Variants in ITGA2 observed in about 807,000 individuals in gnomAD.
The protein encoded by ITGA2 is integrin alpha-2.
A neutral mutation model predicts 146.3 loss-of-function variants in ITGA2; 101 were observed. The ratio of observed to expected loss-of-function variants is 0.69; its 90% CI spans 0.59 to 0.81. The LOEUF is 0.81. Ranked by LOEUF, ITGA2 falls within the 40% of genes least tolerant of loss-of-function variation. The probability of loss-of-function intolerance (pLI) is 0.00; values close to 1 mark genes in which losing one functional copy is unlikely to be tolerated. For synonymous variants in ITGA2, 477 were observed against 487.1 expected (o/e 0.98, Z 0.27); for missense variants, 1,281 against 1,402.7 (o/e 0.91, Z 1.39).
At chr5:53,008,222 C>T (rs1282127883) in intron 1 of ITGA2, among the ~76,000 whole-genome samples, 3 of 151,204 alleles carry the variant, frequency 2.0e-5, no homozygotes, top group African/African-American at 4.9e-5. Flanking sequence ...ACTCTCATCC[C>T]GGCTTATAGA....
intron 16 of ITGA2, among the ~76,000 whole-genome samples, chr5:53,067,838 A>C (rs1745214829): frequency 6.6e-6 from 1 of 151,934 alleles, no homozygotes; most frequent in Non-Finnish European, 1.5e-5. Flanking sequence ...AAGCATCAGC[A>C]GGAATTGTTG....
chr5:53,091,382 C>T lies in ITGA2; in HGVS notation c.*783C>T, dbSNP rs1014982291. On this transcript the variant is annotated 3_prime_UTR_variant, in exon 30 of 30. Transcript: ENST00000296585. ...CATGTAAAATCCCATCTGCTAGAAG[C>T]CCATCCTGTGCCAGAGGAAGGAAAA... The T allele has an allele frequency of 2.0e-5, 3 of 152,166 alleles. No individual in the cohort carries two copies. Among genetic ancestry groups the T allele is most frequent in the Non-Finnish European group, 2.9e-5 (2 of 68,040 alleles). 9.4% of individuals were successfully genotyped at this position (152,166 alleles called of 1,614,324 possible). A position where few individuals can be genotyped will look rare whatever the true frequency, so the allele number is the denominator to read the frequency against.
chr5:53,025,756 A>G lies in ITGA2; in HGVS notation c.65-992A>G, dbSNP rs539367274. Among the ~76,000 whole-genome samples, 10 of 152,346 alleles carry G rather than the reference A, an allele frequency of 6.6e-5. No individual in the cohort carries two copies. In the South Asian group the frequency reaches 8.3e-4, roughly 13 times the overall value. On this transcript the variant is annotated intron_variant, in intron 1 of 29. Coordinates refer to ENST00000296585, the MANE Select transcript of ITGA2 (RefSeq NM_002203.4). ...CTTTGATGTCAATTTTAAAGAGTCC[A>G]TTCTGTCTTCAGTGTCTGCGAAGGT...
chr5:53,068,533 T>C (rs941865699), intron 16 of ITGA2, among the ~76,000 whole-genome samples: 7 of 151,908 alleles, frequency 4.6e-5, no homozygotes, highest in African/African-American at 1.7e-4. Flanking sequence ...CTTATGGTGA[T>C]GCACACTCAA....
Position 53,059,627 on chromosome 5 carries a change from G to A in ITGA2, c.1174-247G>A, listed in dbSNP as rs3797481. ...GCTCTGTACCTGTCCTGTACTACAG[G>A]TTATTACAAAGGTTTGTCTGTATAA... is the stretch of plus-strand genomic sequence containing the variant. On this transcript the variant is annotated intron_variant, in intron 10 of 29. Coordinates refer to ENST00000296585, the MANE Select transcript of ITGA2 (RefSeq NM_002203.4). Among the ~76,000 whole-genome samples, 13 of 152,054 alleles carry A rather than the reference G, an allele frequency of 8.5e-5. No individual in the cohort carries two copies. The East Asian group carries it at 2.5e-3, about 30-fold the overall frequency.
At position 53,064,916 on chromosome 5, in the gene ITGA2, T is replaced by G. The variant is rs772289337; in HGVS notation, c.1607T>G (p.Ile536Ser). Residue 536 changes from isoleucine to serine, a missense_variant, in exon 14 of 30, where the codon ATT becomes AGT. Physicochemically the swap from Ile to Ser is moderately radical, Grantham distance 142. Around this residue, in one of 3 missense-constraint regions of ITGA2, gnomAD observed 795 missense variants for 841.7 expected, o/e 0.94. Coordinates refer to ENST00000296585, the MANE Select transcript of ITGA2 (RefSeq NM_002203.4). ...CTTTTGTTTCCCCTTTGCAAGGGCA[T>G]TTTGGGTCAGCACCAATTTCTTGAA... Reference protein sequence around the residue: ...RVYLFTIKEGILGQHQFLEGP... With the variant: ...RVYLFTIKEGSLGQHQFLEGP... 6.2e-7 allele frequency: 1 copy of G among 1,612,466 alleles called. No individual in the cohort carries two copies. The highest frequency in any genetic ancestry group is 1.1e-5 in the South Asian group (1 of 91,064).
chr5:53,058,255 A>T (rs185016025), intron 10 of ITGA2, among the ~76,000 whole-genome samples, 154 bp downstream of exon 10: 133 of 151,888 alleles, frequency 8.8e-4, no homozygotes, highest in African/African-American at 3.0e-3. Context: ...CTGCTGATTT[A>T]CCTCTAAAAT....
intron 3 of ITGA2, among the ~76,000 whole-genome samples, chr5:53,043,223 C>T (rs1743889690): frequency 6.6e-6 from 1 of 151,152 alleles, no homozygotes; most frequent in Non-Finnish European, 1.5e-5. Flanking sequence ...TTTCTAATAA[C>T]ACAAATATAT....
intron 1 of ITGA2, among the ~76,000 whole-genome samples, chr5:53,015,908 T>C (rs569587282): frequency 2.4e-4 from 36 of 150,904 alleles, no homozygotes; most frequent in African/African-American, 8.6e-4. Flanking sequence ...AATAGCAGCC[T>C]CTGCTTTTTT....
intron 24 of ITGA2, among the ~76,000 whole-genome samples, chr5:53,079,520 G>A (rs1009826388): frequency 6.6e-6 from 1 of 151,970 alleles, no homozygotes; most frequent in Non-Finnish European, 1.5e-5. Flanking sequence ...ATTTTATATT[G>A]TAATTAAAGT....
intron 6 of ITGA2, 39 bp from the exon 7 acceptor site, chr5:53,051,372 G>T (rs1206973088): frequency 6.3e-7 from 1 of 1,598,492 alleles, no homozygotes. Context: ...TATTTTTAAT[G>T]TAATGACAGC....
intron 23 of ITGA2, among the ~76,000 whole-genome samples, chr5:53,075,694 G>A (rs1299268298): frequency 1.3e-5 from 2 of 151,970 alleles, no homozygotes; most frequent in African/African-American, 4.8e-5. Flanking sequence ...ATCTCAAGCA[G>A]TATCCCCATT....
intron 1 of ITGA2, among the ~76,000 whole-genome samples, chr5:53,018,779 T>C (rs1225590075): frequency 6.6e-6 from 1 of 152,236 alleles, no homozygotes; most frequent in Non-Finnish European, 1.5e-5. Context: ...TTTTGTTTTT[T>C]AGGCTGGGCA....
intron 2 of ITGA2, among the ~76,000 whole-genome samples, chr5:53,034,421 A>G (rs1335934725): frequency 6.8e-6 from 1 of 147,484 alleles, no homozygotes; most frequent in Non-Finnish European, 1.5e-5. Context: ...AAAAAAAAAA[A>G]TCTATAGTAG....
chr5:53,015,795 G>A (rs1480049392), intron 1 of ITGA2, among the ~76,000 whole-genome samples: 1 of 152,066 alleles, frequency 6.6e-6, no homozygotes, highest in Non-Finnish European at 1.5e-5. Flanking sequence ...ACGTATTTAG[G>A]GTAGTTAGGT....
At chr5:53,014,690 T>C (rs1446816133) in intron 1 of ITGA2, among the ~76,000 whole-genome samples, 1 of 152,190 alleles carries the variant, frequency 6.6e-6, no homozygotes, top group African/African-American at 2.4e-5. Context: ...CTCTTCTTTA[T>C]ACATCTGGTA....
intron 10 of ITGA2, 104 bp from the exon 11 acceptor site, chr5:53,059,769 AT>A: frequency 9.5e-7 from 1 of 1,056,878 alleles, no homozygotes; most frequent in Non-Finnish European, 1.4e-6. Context: ...ATATTTCATC[AT>A]TTTTAATAAA....
chr5:53,016,451 T>G (rs1407508725), intron 1 of ITGA2, among the ~76,000 whole-genome samples: 1 of 152,184 alleles, frequency 6.6e-6, no homozygotes, highest in Non-Finnish European at 1.5e-5. Flanking sequence ...GCTTATAAGG[T>G]TCGTTGTTAG....
chr5:53,084,780 A>G (rs1746082392), intron 27 of ITGA2, among the ~76,000 whole-genome samples: 2 of 150,682 alleles, frequency 1.3e-5, no homozygotes, highest in South Asian at 2.1e-4. Context: ...AATTTTGCCA[A>G]CTGGAAGGAA....
Sources: allele counts gnomAD v4.1 joint callset (sites outside exome capture counted in the v4.1 genomes callset), GRCh38; gene constraint gnomAD v4.1.1; regional missense constraint gnomAD v4.1.1; transcripts MANE v1.5; gene names NCBI Gene and HGNC (gene_info 2026-07-23, HGNC 2026-07-21).